The following MAMDC2 variants were observed in gnomAD, a reference collection of about 807,000 sequenced individuals.
The protein encoded by MAMDC2 is MAM domain-containing protein 2.
Under a neutral mutation model 89.8 loss-of-function variants are expected in MAMDC2, and 57 were observed. The observed-to-expected ratio is 0.63, with a 90% CI of 0.51 to 0.79. MAMDC2 has a LOEUF of 0.79. MAMDC2 is among the 30% of genes least tolerant of loss of function. The pLI, the probability that MAMDC2 is intolerant of heterozygous loss-of-function variation, is 0.00. For synonymous variants in MAMDC2, 313 were observed against 293.4 expected, an observed-to-expected ratio of 1.07 and a Z score of -0.68; for missense variants, 800 against 820.6, an observed-to-expected ratio of 0.97 and a Z score of 0.31.
intron 2 of MAMDC2, among the ~76,000 whole-genome samples, chr9:70,056,143 A>G (rs4367620): frequency 0.17 from 26,178 of 152,170 alleles, 2,341 homozygotes; most frequent in African/African-American, 0.2. Flanking sequence ...TTCAGTGAGG[A>G]GCTGACTCCT....
intron 2 of MAMDC2, among the ~76,000 whole-genome samples, chr9:70,046,208 C>T (rs1013799339): frequency 6.6e-6 from 1 of 152,134 alleles, no homozygotes; most frequent in East Asian, 1.9e-4. Flanking sequence ...ATTCAGGGGG[C>T]CTGAGAATTT....
chr9:70,131,644 G>T, intron 7 of MAMDC2, 32 bp downstream of exon 7: 1 of 1,495,666 alleles, frequency 6.7e-7, no homozygotes, highest in Non-Finnish European at 9.2e-7. Flanking sequence ...TTGCATTTTG[G>T]GATGTTCCTG....
intron 2 of MAMDC2, among the ~76,000 whole-genome samples, chr9:70,057,065 A>G (rs1827040200): frequency 6.6e-6 from 1 of 152,170 alleles, no homozygotes; most frequent in Non-Finnish European, 1.5e-5. Flanking sequence ...AGTAGAAATA[A>G]AGTGCACAAT....
chr9:70,105,250 A>G (rs1282243201), intron 2 of MAMDC2, among the ~76,000 whole-genome samples: 1 of 152,208 alleles, frequency 6.6e-6, no homozygotes, highest in African/African-American at 2.4e-5. Context: ...TGAAGCCACA[A>G]GCAGAGATAA....
chr9:70,176,963 T>C (rs1927138), intron 11 of MAMDC2, among the ~76,000 whole-genome samples: 139,590 of 152,208 alleles, frequency 0.92, 64,149 homozygotes, highest in East Asian at 0.98. Flanking sequence ...TATATTTTTC[T>C]CATACATACA....
chr9:70,161,789 G>C (rs1402114475), intron 9 of MAMDC2, among the ~76,000 whole-genome samples: 3 of 152,142 alleles, frequency 2.0e-5, no homozygotes, highest in African/African-American at 4.8e-5. Flanking sequence ...TTAATGAAGG[G>C]CTCTGGAATT....
In MAMDC2 at chr9:70,045,107, T is replaced by C. The variant is rs377627211; in HGVS notation, c.148+410T>C. ...AAAAGTTGCATGGGACTAGTTCTCC[T>C]TCAGCTTTGCAGAAATGGTTCCACA... On this transcript the variant is annotated intron_variant, in intron 2 of 13. Coordinates refer to ENST00000377182, the MANE Select transcript of MAMDC2 (RefSeq NM_153267.5). Among the ~76,000 whole-genome samples the C allele has an allele frequency of 1.1e-4, 17 of 152,384 alleles. No individual in the cohort carries two copies. The South Asian group carries it at 3.5e-3, about 32-fold the overall frequency.
intron 11 of MAMDC2, among the ~76,000 whole-genome samples, chr9:70,203,130 G>A (rs1225648897): frequency 6.6e-6 from 1 of 150,824 alleles, no homozygotes; most frequent in Non-Finnish European, 1.5e-5. Context: ...CTCGTTAGTT[G>A]ATGCAGTTTC....
At chr9:70,175,752 C>T (rs572459935) in intron 11 of MAMDC2, 2 of 152,114 alleles carry the variant, frequency 1.3e-5, no homozygotes, top group Non-Finnish European at 2.9e-5. Flanking sequence ...TTTGTTTTCT[C>T]ACAGGTCTGG....
chr9:70,131,516 C>T lies in MAMDC2; in HGVS notation c.901-3C>T, dbSNP rs1429565218. 6 of 1,591,080 alleles carry T rather than the reference C, an allele frequency of 3.8e-6. No homozygotes were observed. The East Asian group carries it at 1.4e-4, about 36-fold the overall frequency. ...TGTGACAGCATGCCATTTTCCTCTG[C>T]AGGTTATTTTTGAAGTTGCTTTCAA... On this transcript the variant is annotated splice_polypyrimidine_tract_variant and splice_region_variant and intron_variant, in intron 6 of 13. Transcript: ENST00000377182.
chr9:70,153,241 G>A (rs2031638022), intron 9 of MAMDC2: 1 of 152,166 alleles, frequency 6.6e-6, no homozygotes, highest in South Asian at 2.1e-4. Flanking sequence ...ATGAAATAGA[G>A]AGCAGGTAAT....
At chr9:70,134,903 C>A (rs942623062) in intron 7 of MAMDC2, among the ~76,000 whole-genome samples, 3 of 152,156 alleles carry the variant, frequency 2.0e-5, no homozygotes, top group African/African-American at 7.2e-5. Context: ...AACTACCCTG[C>A]AAGGTTAGCA....
chr9:70,114,986 T>C (rs1449360780), intron 5 of MAMDC2, among the ~76,000 whole-genome samples: 2 of 152,146 alleles, frequency 1.3e-5, no homozygotes, highest in Non-Finnish European at 2.9e-5. Context: ...AGAGCAATGA[T>C]ACAGTGGTTG....
Position 70,126,345 on chromosome 9 carries a change from A to C in MAMDC2, c.830A>C (p.Lys277Thr), listed in dbSNP as rs1289856483. 2 of 1,614,032 alleles carry C rather than the reference A, an allele frequency of 1.2e-6. No homozygotes were observed. The highest frequency in any genetic ancestry group is 2.7e-5 in the African/African-American group (2 of 74,924). Reference protein sequence around the residue: ...DVAGLYEEIWKADRPGNAAWN... With the variant: ...DVAGLYEEIWTADRPGNAAWN... ...GCTGGCCTTTACGAGGAAATCTGGAAAGCAGACAGGCCAGGGAATGCTGCC... is the reference window on the plus strand; with the variant it reads ...GCTGGCCTTTACGAGGAAATCTGGACAGCAGACAGGCCAGGGAATGCTGCC... Residue 277 changes from lysine to threonine, a missense_variant, in exon 6 of 14, where the codon AAA (lysine) becomes ACA (threonine). Transcript: ENST00000377182.
chr9:70,071,322 C>T (rs1827403285), intron 2 of MAMDC2, among the ~76,000 whole-genome samples: 1 of 152,098 alleles, frequency 6.6e-6, no homozygotes, highest in Non-Finnish European at 1.5e-5. Context: ...TGCTACAGCC[C>T]AGGGGTTCCA....
At chr9:70,181,618 T>C (rs1184963250) in intron 11 of MAMDC2, among the ~76,000 whole-genome samples, 1 of 152,176 alleles carries the variant, frequency 6.6e-6, no homozygotes, top group African/African-American at 2.4e-5. Flanking sequence ...TTGTAGCTAT[T>C]GTGAATGGGA....
intron 11 of MAMDC2, among the ~76,000 whole-genome samples, chr9:70,195,855 G>A (rs1554681062): frequency 1.3e-5 from 2 of 151,974 alleles, no homozygotes; most frequent in Non-Finnish European, 2.9e-5. Context: ...GACTTGATAA[G>A]GAAAGAAAAA....
intron 7 of MAMDC2, among the ~76,000 whole-genome samples, chr9:70,136,935 G>A (rs2031035139): frequency 6.6e-6 from 1 of 152,070 alleles, no homozygotes; most frequent in Non-Finnish European, 1.5e-5. Context: ...ATATACCCTG[G>A]TGCTGACAGA....
chr9:70,136,420 A>G (rs2031013614), intron 7 of MAMDC2, among the ~76,000 whole-genome samples: 1 of 152,194 alleles, frequency 6.6e-6, no homozygotes, highest in Non-Finnish European at 1.5e-5. Context: ...GATGTACCAC[A>G]GTTTATGTAT....
Sources: gnomAD v4.1 joint callset for allele counts (sites outside exome capture counted in the v4.1 genomes callset) on GRCh38, gnomAD v4.1.1 for gene constraint, MANE v1.5 for transcripts, NCBI Gene and HGNC (gene_info 2026-07-23, HGNC 2026-07-21) for gene names.